Variants in SPINK5 observed in about 807,000 individuals in gnomAD.
SPINK5 encodes the protein serine protease inhibitor Kazal-type 5.
SPINK5 carries 125 observed loss-of-function variants against 151.8 expected under a neutral mutation model. The observed-to-expected ratio is 0.82, with a 90% CI of 0.71 to 0.96. The LOEUF (loss-of-function observed/expected upper bound fraction) is 0.96, where lower values mean the gene tolerates loss of function less well. Ranked by LOEUF, SPINK5 falls within the 40% of genes least tolerant of loss-of-function variation. The pLI is 0.00. For synonymous variants in SPINK5, 374 were observed against 395.3 expected, an observed-to-expected ratio of 0.95 and a Z score of 0.64; for missense variants, 1,194 against 1,291.9, an observed-to-expected ratio of 0.92 and a Z score of 1.16.
At position 148,124,841 on chromosome 5, in the gene SPINK5, A is replaced by C. The variant is rs751153978; in HGVS notation, c.2739+4A>C. 6.3e-7 allele frequency: 1 copy of C among 1,593,906 alleles called. No homozygotes were observed. The highest frequency in any genetic ancestry group is 1.2e-5 in the South Asian group (1 of 85,996). ...CAAGCCCTCAAATAATGCAAAGGTT[A>C]TTTATTAAAGGATACCAAAATAACC... On this transcript the variant is annotated splice_donor_region_variant and intron_variant, in intron 28 of 32. Transcript: ENST00000256084.
At chr5:148,101,675 C>G (rs144486928) in intron 14 of SPINK5, 106 bp from the exon 15 acceptor site, 135 of 1,531,202 alleles carry the variant, frequency 8.8e-5, no homozygotes, top group Non-Finnish European at 1.0e-4. Flanking sequence ...CTAAAATAAG[C>G]CAATTGCTAA....
At chr5:148,101,688 C>T (rs1190825200) in intron 14 of SPINK5, 93 bp from the exon 15 acceptor site, 6 of 1,585,732 alleles carry the variant, frequency 3.8e-6, no homozygotes, top group Non-Finnish European at 5.2e-6. Context: ...ATTGCTAATC[C>T]TCGTTTAAGA....
intron 28 of SPINK5, chr5:148,125,425 T>A (rs914824717): frequency 3.5e-5 from 39 of 1,104,290 alleles, no homozygotes; most frequent in Non-Finnish European, 4.8e-5. Flanking sequence ...GTCAAAAGCA[T>A]GCTTCATGGG....
chr5:148,088,471 G>C (rs1161771748), intron 5 of SPINK5, 71 bp from the exon 6 acceptor site: 2 of 1,312,158 alleles, frequency 1.5e-6, no homozygotes, highest in Admixed American at 1.7e-5. Flanking sequence ...ATGCAATGTA[G>C]AGCAGTTAGG....
intron 4 of SPINK5, among the ~76,000 whole-genome samples, chr5:148,072,832 G>A (rs577240784): frequency 2.0e-5 from 3 of 147,568 alleles, no homozygotes; most frequent in East Asian, 4.0e-4. Flanking sequence ...CAGGGACTCA[G>A]GCTAATATTT....
At chr5:148,106,329 T>A (rs956473466) in intron 16 of SPINK5, among the ~76,000 whole-genome samples, 2 of 151,988 alleles carry the variant, frequency 1.3e-5, no homozygotes, top group Admixed American at 1.3e-4. Context: ...ATTTATTTAT[T>A]TATTTATTTT....
intron 8 of SPINK5, among the ~76,000 whole-genome samples, chr5:148,093,807 C>T (rs1753379751): frequency 6.6e-6 from 1 of 151,578 alleles, no homozygotes; most frequent in African/African-American, 2.4e-5. Context: ...TTATTTTTTC[C>T]GAGGCTGTTT....
Position 148,123,843 on chromosome 5 carries a change from G to T in SPINK5, c.2549G>T (p.Arg850Leu). 1 of 1,613,772 alleles carries T rather than the reference G, an allele frequency of 6.2e-7. No homozygotes were observed. The highest frequency in any genetic ancestry group is 8.5e-7 in the Non-Finnish European group (1 of 1,179,936). ...ERSNDKEDLC[R>L]EFRSMQRNGK... The stretch of plus-strand genomic sequence containing the variant: ...TGCTACTGTTGGTAGGATCTGTGTC[G>T]TGAATTTCGAAGCATGCAGAGAAAT... Residue 850 changes from arginine (R) to leucine (L), a missense_variant, in exon 27 of 33, where the codon CGT becomes CTT. Physicochemically the swap from Arg to Leu is moderately radical, Grantham distance 102 (BLOSUM62 -2). Coordinates refer to ENST00000256084, the MANE Select transcript of SPINK5 (RefSeq NM_006846.4).
At chr5:148,136,822 A>G (rs531669590) in intron 32 of SPINK5, among the ~76,000 whole-genome samples, 161 bp from the exon 33 acceptor site, 16 of 152,328 alleles carry the variant, frequency 1.1e-4, no homozygotes, top group Admixed American at 1.0e-3. Flanking sequence ...TATTTGTTGT[A>G]TCAAACTGGA....
At chr5:148,070,115 A>C (rs1328117995) in intron 2 of SPINK5, among the ~76,000 whole-genome samples, 1 of 152,114 alleles carries the variant, frequency 6.6e-6, no homozygotes, top group East Asian at 1.9e-4. Context: ...ATAAAAAAGG[A>C]GGAAGAAGGA....
chr5:148,134,677 C>T (rs6892070), intron 32 of SPINK5, among the ~76,000 whole-genome samples: 2,157 of 151,796 alleles, frequency 0.014, 55 homozygotes, highest in African/African-American at 0.049. Flanking sequence ...GAAAAAGAGT[C>T]GAAAGTATGA....
At chr5:148,127,581 G>A (rs1264555565) in intron 30 of SPINK5, among the ~76,000 whole-genome samples, 3 of 152,074 alleles carry the variant, frequency 2.0e-5, no homozygotes, top group Non-Finnish European at 2.9e-5. Context: ...AGCTGGGTGC[G>A]GTGGCTCATG....
intron 32 of SPINK5, among the ~76,000 whole-genome samples, chr5:148,134,287 T>C (rs1474588435): frequency 6.6e-6 from 1 of 152,172 alleles, no homozygotes; most frequent in East Asian, 1.9e-4. Flanking sequence ...CTTTACATTG[T>C]ATTAAATTAT....
At chr5:148,125,913 G>T in intron 29 of SPINK5, 63 bp downstream of exon 29, 1 of 1,608,374 alleles carries the variant, frequency 6.2e-7, no homozygotes, top group Non-Finnish European at 8.5e-7. Flanking sequence ...AGAAACTGCT[G>T]CTTGAATAAG....
chr5:148,123,512 A>ATATATATATATATATAT (rs1561703850), intron 26 of SPINK5, among the ~76,000 whole-genome samples: 6 of 120,948 alleles, frequency 5.0e-5, no homozygotes, highest in Admixed American at 8.1e-5. Context: ...GCAGTGGTGC[A>ATATATATATATATATAT]ATATATGTGT....
chr5:148,111,010 C>A (rs1006854163), intron 18 of SPINK5, among the ~76,000 whole-genome samples: 2 of 151,932 alleles, frequency 1.3e-5, no homozygotes, highest in African/African-American at 4.8e-5. Flanking sequence ...ATGAAAACAA[C>A]AACAATAACA....
intron 31 of SPINK5, among the ~76,000 whole-genome samples, chr5:148,131,846 AG>A (rs1328211943): frequency 6.6e-6 from 1 of 152,188 alleles, no homozygotes; most frequent in African/African-American, 2.4e-5. Flanking sequence ...TGAAAGAAGT[AG>A]TACCTTGCAA....
At chr5:148,105,147 C>T (rs1753749056) in intron 16 of SPINK5, 147 bp downstream of exon 16, 1 of 891,514 alleles carries the variant, frequency 1.1e-6, no homozygotes. Context: ...CAAAAAGGGT[C>T]CTGATAAGAA....
chr5:148,120,467 T>G, intron 26 of SPINK5, 76 bp downstream of exon 26: 1 of 1,501,854 alleles, frequency 6.7e-7, no homozygotes, highest in South Asian at 1.2e-5. Context: ...CAAATATTTG[T>G]GAAATGCTGA....
Sources: gnomAD v4.1 joint callset for allele counts (sites outside exome capture counted in the v4.1 genomes callset) on GRCh38, gnomAD v4.1.1 for gene constraint, MANE v1.5 for transcripts, NCBI Gene and HGNC (gene_info 2026-07-23, HGNC 2026-07-21) for gene names.